Variants in PCNX1 observed in about 807,000 individuals in gnomAD.
PCNX1 encodes pecanex 1, also known as pecanex-like protein 1.
In PCNX1, 78 loss-of-function variants were observed where a neutral mutation model predicts 242.2. The observed-to-expected ratio is 0.32, with a 90% CI of 0.27 to 0.39. PCNX1 has a LOEUF of 0.39. PCNX1 is among the 10% of genes least tolerant of loss of function. The pLI, the probability that PCNX1 is intolerant of heterozygous loss-of-function variation, is 1.00. For synonymous variants in PCNX1, 1,024 were observed against 1,032.9 expected (o/e 0.99, Z 0.17); for missense variants, 2,581 against 2,856.5 (o/e 0.90, Z 2.20).
At position 71,109,923 on chromosome 14, in the gene PCNX1, G is replaced by A. The variant is rs144674614; in HGVS notation, c.7014G>A (p.Gly2338=). ...TVIETGVLEL[G]AEV is the part of the protein sequence containing the mutation. Reference sequence around the variant, plus strand: ...TTGAAACTGGGGTACTAGAACTTGGGGCTGAAGTGTGAGCCAGTGTTTATT... The same window carrying A: ...TTGAAACTGGGGTACTAGAACTTGGAGCTGAAGTGTGAGCCAGTGTTTATT... Residue 2338 remains glycine, a synonymous_variant, in exon 36 of 36, where the codon GGG becomes GGA. Coordinates refer to ENST00000304743, the MANE Select transcript of PCNX1 (RefSeq NM_014982.3). 98 of 1,613,394 alleles carry A rather than the reference G, an allele frequency of 6.1e-5. No individual in the cohort carries two copies. The East Asian group carries it at 2.1e-3, about 34-fold the overall frequency.
chr14:70,959,036 T>C (rs1206736448), intron 2 of PCNX1, among the ~76,000 whole-genome samples: 1 of 144,034 alleles, frequency 6.9e-6, no homozygotes, highest in Non-Finnish European at 1.5e-5. Context: ...AAAAAAAAGA[T>C]TATATATAGA....
intron 19 of PCNX1, 97 bp from the exon 20 acceptor site, chr14:71,045,036 G>A (rs2060819792): frequency 1.3e-6 from 1 of 785,320 alleles, no homozygotes; most frequent in South Asian, 1.9e-5. Context: ...AATGGACGTT[G>A]TCCATTATCA....
intron 1 of PCNX1, among the ~76,000 whole-genome samples, chr14:70,915,204 T>G (rs2140040135): frequency 6.6e-6 from 1 of 151,872 alleles, no homozygotes; most frequent in South Asian, 2.1e-4. Flanking sequence ...TCTTCCCAGT[T>G]TTTGGCTACT....
chr14:70,961,172 G>A (rs2058197476), intron 2 of PCNX1, among the ~76,000 whole-genome samples: 1 of 152,060 alleles, frequency 6.6e-6, no homozygotes, highest in Admixed American at 6.6e-5. Context: ...CTACTTTGAA[G>A]TTCATATGGA....
At chr14:71,039,335 A>G (rs1200680255) in intron 19 of PCNX1, among the ~76,000 whole-genome samples, 1 of 152,134 alleles carries the variant, frequency 6.6e-6, no homozygotes, top group African/African-American at 2.4e-5. Context: ...AGGATCTTTC[A>G]TGATGCTAAA....
intron 5 of PCNX1, among the ~76,000 whole-genome samples, chr14:70,969,644 A>G (rs1281061304): frequency 6.6e-6 from 1 of 152,064 alleles, no homozygotes; most frequent in African/African-American, 2.4e-5. Context: ...GCTTCTGTGG[A>G]CTGCCCTATC....
intron 22 of PCNX1, among the ~76,000 whole-genome samples, chr14:71,050,061 A>G (rs1171310965): frequency 6.6e-6 from 1 of 152,224 alleles, no homozygotes; most frequent in Non-Finnish European, 1.5e-5. Flanking sequence ...TTGACATTAC[A>G]TTTAAAACAT....
chr14:71,039,763 T>A (rs1657805015), intron 19 of PCNX1, among the ~76,000 whole-genome samples: 1 of 152,134 alleles, frequency 6.6e-6, no homozygotes, highest in South Asian at 2.1e-4. Context: ...AAAGTCTCAT[T>A]CCAGTACAGT....
chr14:71,075,623 G>A (rs966056167), intron 27 of PCNX1, among the ~76,000 whole-genome samples: 7 of 152,084 alleles, frequency 4.6e-5, no homozygotes, highest in African/African-American at 7.2e-5. Context: ...AGGGCCAGGC[G>A]CAGTGGCTGA....
intron 30 of PCNX1, among the ~76,000 whole-genome samples, chr14:71,100,856 C>G (rs1187012796): frequency 6.6e-6 from 1 of 152,100 alleles, no homozygotes; most frequent in Non-Finnish European, 1.5e-5. Context: ...GGTCCAAAAT[C>G]TTCTGCCTGG....
intron 11 of PCNX1, 68 bp downstream of exon 11, chr14:71,013,270 C>A: frequency 1.7e-6 from 2 of 1,203,594 alleles, no homozygotes; most frequent in Non-Finnish European, 2.5e-6. Context: ...TCTTTAATTA[C>A]CCACTGAGGT....
chr14:71,011,791 GTATT>G (rs1314000003), intron 10 of PCNX1: 6 of 434,194 alleles, frequency 1.4e-5, no homozygotes, highest in Non-Finnish European at 2.5e-5. Context: ...GTTTTGGAAA[GTATT>G]TGTCAATGCT....
At chr14:70,935,112 G>T (rs1185447284) in intron 1 of PCNX1, among the ~76,000 whole-genome samples, 1 of 152,186 alleles carries the variant, frequency 6.6e-6, no homozygotes, top group Non-Finnish European at 1.5e-5. Context: ...ATTTAGATCA[G>T]ATAGTGGAAA....
At position 70,995,373 on chromosome 14, in the gene PCNX1, CAT is replaced by C. The variant is rs202062923; in HGVS notation, c.2445-366_2445-365del. On this transcript the variant is annotated intron_variant, in intron 7 of 35. Transcript: ENST00000304743. ...AATGAAAGTGCATATTTAACTGAAACATAGGGCTTATCTGTTGGGGCCAGCTG... is the reference window on the plus strand; with the variant it reads ...AATGAAAGTGCATATTTAACTGAAACAGGGCTTATCTGTTGGGGCCAGCTG... Among the ~76,000 whole-genome samples, 3 of 152,152 alleles carry C rather than the reference CAT, an allele frequency of 2.0e-5. No individual in the cohort carries two copies. The East Asian group carries it at 5.8e-4, about 29-fold the overall frequency.
intron 28 of PCNX1, 83 bp from the exon 29 acceptor site, chr14:71,088,247 C>A (rs2062041807): frequency 2.9e-6 from 2 of 701,388 alleles, no homozygotes; most frequent in Admixed American, 2.2e-5. Context: ...AATTCTTTAT[C>A]ATTTCGCTAT....
Position 71,109,456 on chromosome 14 carries a change from T to C in PCNX1, c.6749T>C (p.Val2250Ala). 2 of 1,611,420 alleles carry C rather than the reference T, an allele frequency of 1.2e-6. No individual in the cohort carries two copies. The highest frequency in any genetic ancestry group is 1.7e-6 in the Non-Finnish European group (2 of 1,178,570). Residue 2250 changes from valine (V) to alanine (A), a missense_variant, in exon 35 of 36, where the codon GTG (valine) becomes GCG (alanine). Physicochemically the swap from Val to Ala is moderately conservative, Grantham distance 64 (BLOSUM62 0). Around this residue, in one of 9 missense-constraint regions of PCNX1, gnomAD observed 432 missense variants for 433.6 expected, o/e 1.00. Coordinates refer to ENST00000304743, the MANE Select transcript of PCNX1 (RefSeq NM_014982.3). ...ATGTTTTTATTTACCATGTAGATTG[T>C]GGATCCCAGTCAAATTCTGGAAGGG... ...KAEVIYRVQI[V>A]DPSQILEGIN... is the part of the protein sequence containing the mutation.
chr14:71,084,546 A>G (rs1032955969), intron 28 of PCNX1, among the ~76,000 whole-genome samples: 15 of 152,214 alleles, frequency 9.9e-5, no homozygotes, highest in African/African-American at 3.6e-4. Flanking sequence ...TGCCCTGCCC[A>G]GAGAGGAGGA....
At chr14:71,066,632 C>T (rs1004935495) in intron 26 of PCNX1, among the ~76,000 whole-genome samples, 2 of 152,172 alleles carry the variant, frequency 1.3e-5, no homozygotes, top group African/African-American at 4.8e-5. Flanking sequence ...CTGTCCAGAA[C>T]GTCCAATAGT....
rs778662679 is a variant in PCNX1, at chr14:71,053,374, A to G, written c.4577+1362A>G. ...TGCAACCTCCGCCTCCCGGAGTGCA[A>G]TGGCGCCATCTTGATTCACTGCAAC... On this transcript the variant is annotated intron_variant, in intron 24 of 35. Coordinates refer to ENST00000304743, the MANE Select transcript of PCNX1 (RefSeq NM_014982.3). 21 of 429,842 alleles carry G rather than the reference A, an allele frequency of 4.9e-5. No homozygotes were observed. The East Asian group carries it at 1.0e-3, about 21-fold the overall frequency. 26.6% of individuals were successfully genotyped at this position (429,842 alleles called of 1,614,324 possible). A position where few individuals can be genotyped will look rare whatever the true frequency, so the allele number is the denominator to read the frequency against.
Sources: allele counts gnomAD v4.1 joint callset (sites outside exome capture counted in the v4.1 genomes callset), GRCh38; gene constraint gnomAD v4.1.1; regional missense constraint gnomAD v4.1.1; transcripts MANE v1.5; gene names NCBI Gene and HGNC (gene_info 2026-07-23, HGNC 2026-07-21).